Variants in AAK1 observed in about 807,000 individuals in gnomAD.
AAK1 encodes the protein AP2 associated kinase 1.
Under a neutral mutation model 116.0 loss-of-function variants are expected in AAK1, and 37 were observed. That is an observed-to-expected ratio of 0.32 (90% confidence interval 0.25 to 0.42). AAK1 has a LOEUF of 0.42. Among genes scored for constraint, AAK1 ranks in the 10% least tolerant of loss-of-function variants. The pLI is 1.00. For missense variants in AAK1, 919 were observed against 1,170.6 expected (o/e 0.79, Z 3.14); for synonymous variants, 458 against 439.9 (o/e 1.04, Z -0.51).
At chr2:69,591,960 C>T (rs1480215864) in intron 2 of AAK1, among the ~76,000 whole-genome samples, 1 of 152,170 alleles carries the variant, frequency 6.6e-6, no homozygotes, top group Non-Finnish European at 1.5e-5. Flanking sequence ...CATCTGCTGA[C>T]AATTTTCCTA....
chr2:69,482,915 A>G, intron 17 of AAK1, 103 bp from the exon 18 acceptor site: 1 of 683,162 alleles, frequency 1.5e-6, no homozygotes, highest in South Asian at 1.8e-5. Context: ...AGGGGTCAAT[A>G]TTTGGTACAG....
At chr2:69,606,153 ACAAAAAGCTGCTTCCTGATTTCTAC>A (rs1673788145) in intron 2 of AAK1, among the ~76,000 whole-genome samples, 1 of 152,242 alleles carries the variant, frequency 6.6e-6, no homozygotes. Flanking sequence ...TATCATATTT[ACAAAAAGCTGCTTCCTGATTTCTAC>A]CATCCCCAAG....
chr2:69,553,121 G>A (rs1425212450), intron 3 of AAK1, among the ~76,000 whole-genome samples: 1 of 152,042 alleles, frequency 6.6e-6, no homozygotes, highest in Non-Finnish European at 1.5e-5. Flanking sequence ...CAGAATGCAA[G>A]GATATGAGTT....
chr2:69,522,801 C>A (rs1413125494), intron 10 of AAK1, among the ~76,000 whole-genome samples: 2 of 141,168 alleles, frequency 1.4e-5, no homozygotes, highest in African/African-American at 5.7e-5. Context: ...AAGACTCCAT[C>A]TCAAAAAAAA....
At chr2:69,538,297 C>T (rs1389982428) in intron 5 of AAK1, among the ~76,000 whole-genome samples, 1 of 152,250 alleles carries the variant, frequency 6.6e-6, no homozygotes, top group Non-Finnish European at 1.5e-5. Context: ...TTCCAGTTTG[C>T]TCCGCATTCC....
intron 17 of AAK1, among the ~76,000 whole-genome samples, chr2:69,488,193 A>G (rs538775889): frequency 4.9e-5 from 7 of 142,116 alleles, no homozygotes; most frequent in African/African-American, 1.7e-4. Context: ...AGGGAGGGGA[A>G]CAAAAGTTGA....
At chr2:69,615,813 CTG>C (rs1405131294) in intron 2 of AAK1, among the ~76,000 whole-genome samples, 1 of 152,222 alleles carries the variant, frequency 6.6e-6, no homozygotes, top group Non-Finnish European at 1.5e-5. Context: ...ACACCTATAA[CTG>C]TTTTGTTCAT....
At chr2:69,484,487 G>A (rs773660849) in intron 17 of AAK1, among the ~76,000 whole-genome samples, 5 of 152,038 alleles carry the variant, frequency 3.3e-5, no homozygotes, top group Admixed American at 6.6e-5. Context: ...TTTATACCTC[G>A]TTTATATTAA....
At chr2:69,528,309 A>G (rs1284713389) in intron 8 of AAK1, among the ~76,000 whole-genome samples, 1 of 152,202 alleles carries the variant, frequency 6.6e-6, no homozygotes, top group Admixed American at 6.5e-5. Flanking sequence ...GCAAGCCGCT[A>G]GAGTTTCCTA....
chr2:69,576,771 A>G (rs904858946), intron 2 of AAK1, among the ~76,000 whole-genome samples: 7 of 152,228 alleles, frequency 4.6e-5, no homozygotes, highest in African/African-American at 1.7e-4. Flanking sequence ...GTATATGCCT[A>G]GAAAAAAATG....
intron 17 of AAK1, among the ~76,000 whole-genome samples, chr2:69,486,887 C>A (rs551215550): frequency 6.6e-6 from 1 of 152,242 alleles, no homozygotes; most frequent in South Asian, 2.1e-4. Context: ...TGAGTCTTCA[C>A]ATAGACATGG....
At chr2:69,484,530 C>A (rs1675213844) in intron 17 of AAK1, among the ~76,000 whole-genome samples, 1 of 152,144 alleles carries the variant, frequency 6.6e-6, no homozygotes, top group South Asian at 2.1e-4. Flanking sequence ...CAGTGGCTCA[C>A]GCCTGTAATC....
At chr2:69,485,939 G>A (rs1404754244) in intron 17 of AAK1, among the ~76,000 whole-genome samples, 1 of 151,786 alleles carries the variant, frequency 6.6e-6, no homozygotes, top group Non-Finnish European at 1.5e-5. Context: ...GATTACAGAT[G>A]TGAGTCACTG....
chr2:69,526,418 T>C (rs954607806), intron 9 of AAK1, among the ~76,000 whole-genome samples: 21 of 152,318 alleles, frequency 1.4e-4, no homozygotes, highest in Admixed American at 1.2e-3. Flanking sequence ...TCTATTATTA[T>C]AGCATCCATT....
intron 2 of AAK1, among the ~76,000 whole-genome samples, chr2:69,640,081 C>CTCTCTCTCTCT (rs542823509): frequency 3.6e-4 from 44 of 121,754 alleles, no homozygotes; most frequent in African/African-American, 1.3e-3. Context: ...TCTCTCTCTC[C>CTCTCTCTCTCT]CCCCCCACAT....
At chr2:69,577,149 T>G (rs1672347717) in intron 2 of AAK1, among the ~76,000 whole-genome samples, 1 of 152,254 alleles carries the variant, frequency 6.6e-6, no homozygotes, top group South Asian at 2.1e-4. Context: ...GCAGGTTCAC[T>G]CTGAGCAGCA....
At chr2:69,495,020 G>A (rs1424644848) in intron 17 of AAK1, among the ~76,000 whole-genome samples, 1 of 152,042 alleles carries the variant, frequency 6.6e-6, no homozygotes, top group Non-Finnish European at 1.5e-5. Context: ...TAACATTTTG[G>A]GAGAGAAAAA....
chr2:69,610,026 G>A (rs1322075275), intron 2 of AAK1, among the ~76,000 whole-genome samples: 2 of 147,112 alleles, frequency 1.4e-5, no homozygotes, highest in Admixed American at 1.4e-4. Context: ...ACTCCAGCCT[G>A]GGCGACAGAG....
At chr2:69,555,363 A>T (rs1671350114) in intron 3 of AAK1, among the ~76,000 whole-genome samples, 1 of 152,146 alleles carries the variant, frequency 6.6e-6, no homozygotes, top group South Asian at 2.1e-4. Flanking sequence ...TTGGCTTTCT[A>T]AAATCTAGAG....
Sources: gnomAD v4.1 joint callset for allele counts (sites outside exome capture counted in the v4.1 genomes callset) on GRCh38, gnomAD v4.1.1 for gene constraint, MANE v1.5 for transcripts, NCBI Gene and HGNC (gene_info 2026-07-23, HGNC 2026-07-21) for gene names.